Variants in BRIP1 observed in about 807,000 individuals in gnomAD.
BRIP1 encodes the protein Fanconi anemia group J protein.
BRIP1 carries 88 observed loss-of-function variants against 119.7 expected under a neutral mutation model. The ratio of observed to expected loss-of-function variants is 0.74; its 90% CI spans 0.62 to 0.88. BRIP1 has a LOEUF of 0.88. BRIP1 is among the 40% of genes least tolerant of loss of function. BRIP1 has a pLI of 0.00. For synonymous variants in BRIP1, 443 were observed against 496.5 expected, an observed-to-expected ratio of 0.89 and a Z score of 1.43; for missense variants, 1,259 against 1,455.4, an observed-to-expected ratio of 0.87 and a Z score of 2.20.
intron 16 of BRIP1, among the ~76,000 whole-genome samples, chr17:61,737,186 A>G (rs1429885159): frequency 6.6e-6 from 1 of 152,220 alleles, no homozygotes; most frequent in Non-Finnish European, 1.5e-5. Context: ...GACACAAGAA[A>G]ACAAATAGCT....
At chr17:61,737,546 C>G (rs185498856) in intron 16 of BRIP1, among the ~76,000 whole-genome samples, 14 of 152,268 alleles carry the variant, frequency 9.2e-5, no homozygotes, top group African/African-American at 3.1e-4. Flanking sequence ...ATAAACTGGA[C>G]TGCATTAGAA....
Position 61,861,579 on chromosome 17 carries a change from A to C in BRIP1, c.-30-10T>G, listed in dbSNP as rs1321232630. 6.9e-7 allele frequency: 1 copy of C among 1,441,386 alleles called. No individual in the cohort carries two copies. The highest frequency in any genetic ancestry group is 1.7e-5 in the Admixed American group (1 of 59,700). The allele number at this position is 1,441,386 out of a possible 1,614,324, so 89.3% of individuals were successfully genotyped here. A position where few individuals can be genotyped will look rare whatever the true frequency, so the allele number is the denominator to read the frequency against. ...TATTTCAGATTCCTAACTACAACAG[A>C]AATGAAAATGTCAAATATTGAGACA... On this transcript the variant is annotated splice_polypyrimidine_tract_variant and intron_variant, in intron 1 of 19. Coordinates refer to ENST00000259008, the MANE Select transcript of BRIP1 (RefSeq NM_032043.3). The surrounding 1 kb of genome is among the most constrained non-coding windows in gnomAD (Gnocchi z 4.5).
rs1470302654 is a variant in BRIP1, at chr17:61,824,236, G to A, written c.628-15479C>T. 6.6e-6 allele frequency among the ~76,000 whole-genome samples: 1 copy of A among 152,196 alleles called. No individual in the cohort carries two copies. Among genetic ancestry groups the A allele is most frequent in the Non-Finnish European group, 1.5e-5 (1 of 68,030 alleles). ...ATGTGAACCTAAACTTCAATACCCA[G>A]TGAAAATGTGTTTCAAAACAAAGCG... is the stretch of plus-strand genomic sequence containing the variant. On this transcript the variant is annotated intron_variant, in intron 6 of 19. Transcript: ENST00000259008. This position sits in a 1 kb window ranked among gnomAD's most constrained non-coding sequence, Gnocchi z 4.3.
chr17:61,791,812 C>A (rs1312973282), intron 10 of BRIP1, among the ~76,000 whole-genome samples: 1 of 151,952 alleles, frequency 6.6e-6, no homozygotes, highest in Non-Finnish European at 1.5e-5. Context: ...GAAAATGTGG[C>A]ACATATATAT....
In BRIP1 at chr17:61,764,820, A is replaced by C. The variant is rs557256719; in HGVS notation, c.2097+11581T>G. Among the ~76,000 whole-genome samples the C allele has an allele frequency of 2.6e-5, 4 of 152,192 alleles. No homozygotes were observed. The South Asian group carries it at 6.2e-4, about 24-fold the overall frequency. Reference sequence around the variant, plus strand: ...TTAGAACTAAGGGGGTGGGGGGAGCACAGGGAGTTAGGATGAATTCAGCTT... The same window carrying C: ...TTAGAACTAAGGGGGTGGGGGGAGCCCAGGGAGTTAGGATGAATTCAGCTT... On this transcript the variant is annotated intron_variant, in intron 14 of 19. Transcript: ENST00000259008.
chr17:61,818,950 C>A (rs1169595570), intron 6 of BRIP1, among the ~76,000 whole-genome samples: 1 of 151,918 alleles, frequency 6.6e-6, no homozygotes, highest in Admixed American at 6.6e-5. Flanking sequence ...CTTTGGGAGG[C>A]CGAGGGGGGC....
Position 61,808,998 on chromosome 17 carries a change from C to G in BRIP1, c.628-241G>C, listed in dbSNP as rs958035908. ...CCAAATTTGCATTCTTTCCAACATA[C>G]CACTCTAACTCTCCAATTCCAAATG... On this transcript the variant is annotated intron_variant, in intron 6 of 19. Transcript: ENST00000259008. The surrounding 1 kb of genome is among the most constrained non-coding windows in gnomAD (Gnocchi z 4.1). 6.6e-6 allele frequency among the ~76,000 whole-genome samples: 1 copy of G among 152,158 alleles called. No homozygotes were observed. The highest frequency in any genetic ancestry group is 1.5e-5 in the Non-Finnish European group (1 of 68,024).
Position 61,703,826 on chromosome 17 carries a change from G to A in BRIP1, c.2493-10314C>T, listed in dbSNP as rs961069046. On this transcript the variant is annotated intron_variant, in intron 17 of 19. Coordinates refer to ENST00000259008, the MANE Select transcript of BRIP1 (RefSeq NM_032043.3). The surrounding 1 kb of genome is among the most constrained non-coding windows in gnomAD (Gnocchi z 5.0). ...GGTTGTTGTATATAGTGTAAGGAAG[G>A]GGGTCCAGTTTCAATCTTCTGCTTA... 6.6e-6 allele frequency among the ~76,000 whole-genome samples: 1 copy of A among 152,046 alleles called. No homozygotes were observed. The highest frequency in any genetic ancestry group is 6.6e-5 in the Admixed American group (1 of 15,254).
At chr17:61,813,964 A>C (rs987995566) in intron 6 of BRIP1, among the ~76,000 whole-genome samples, 2 of 152,134 alleles carry the variant, frequency 1.3e-5, no homozygotes, top group African/African-American at 4.8e-5. Flanking sequence ...AATATTCCTA[A>C]GTATGATCTT....
chr17:61,776,609 TG>T lies in BRIP1; in HGVS notation c.1936-48del. 1.3e-6 allele frequency: 2 copies of T among 1,566,270 alleles called. No individual in the cohort carries two copies. The highest frequency in any genetic ancestry group is 1.8e-6 in the Non-Finnish European group (2 of 1,136,622). On this transcript the variant is annotated intron_variant, in intron 13 of 19. Transcript: ENST00000259008. The surrounding 1 kb of genome is among the most constrained non-coding windows in gnomAD (Gnocchi z 5.0). ...ATTAGAGTTATGCCTGAAAAAGGCA[TG>T]GAAATTAGTATTTATTTGGAAGTAT...
At chr17:61,731,306 C>T (rs1436606635) in intron 16 of BRIP1, among the ~76,000 whole-genome samples, 2 of 152,126 alleles carry the variant, frequency 1.3e-5, no homozygotes, top group African/African-American at 4.8e-5. Flanking sequence ...ATCCATTTCC[C>T]CTGGGTAACC....
Position 61,742,867 on chromosome 17 carries a change from T to G in BRIP1, c.2379+146A>C. On this transcript the variant is annotated intron_variant, in intron 16 of 19. Transcript: ENST00000259008. This position sits in a 1 kb window ranked among gnomAD's most constrained non-coding sequence, Gnocchi z 4.7. The stretch of plus-strand genomic sequence containing the variant: ...GTTGGAAAAATGGTGCTGAAAGACT[T>G]GCACAATGCAGGGTTACCATAAACC... 1.0e-6 allele frequency: 1 copy of G among 998,156 alleles called. No individual in the cohort carries two copies. The highest frequency in any genetic ancestry group is 1.5e-6 in the Non-Finnish European group (1 of 666,028). 61.8% of individuals were successfully genotyped at this position (998,156 alleles called of 1,614,324 possible).
At position 61,686,401 on chromosome 17, in the gene BRIP1, C is replaced by A. The variant is rs1351242712; in HGVS notation, c.2576-236G>T. On this transcript the variant is annotated intron_variant, in intron 18 of 19. Transcript: ENST00000259008. This position sits in a 1 kb window ranked among gnomAD's most constrained non-coding sequence, Gnocchi z 5.4. Reference sequence around the variant, plus strand: ...TTGTCAAATGGAGAGAGCAAAGAGGCAGTAGAAGTAGGGCAGAGATGGGAA... The same window carrying A: ...TTGTCAAATGGAGAGAGCAAAGAGGAAGTAGAAGTAGGGCAGAGATGGGAA... Among the ~76,000 whole-genome samples, 2 of 151,934 alleles carry A rather than the reference C, an allele frequency of 1.3e-5. No homozygotes were observed. The highest frequency in any genetic ancestry group is 2.9e-5 in the Non-Finnish European group (2 of 67,976).
At chr17:61,817,293 T>C (rs187477933) in intron 6 of BRIP1, among the ~76,000 whole-genome samples, 3 of 152,324 alleles carry the variant, frequency 2.0e-5, no homozygotes, top group African/African-American at 7.2e-5. Flanking sequence ...ATTTATGATA[T>C]GTACACTTGG....
In BRIP1 at chr17:61,803,735, A is replaced by G. The variant is rs1328585893; in HGVS notation, c.919-2261T>C. Among the ~76,000 whole-genome samples, 2 of 152,194 alleles carry G rather than the reference A, an allele frequency of 1.3e-5. No individual in the cohort carries two copies. Among genetic ancestry groups the G allele is most frequent in the Non-Finnish European group, 1.5e-5 (1 of 68,026 alleles). ...AATGTACAAAATTAGAAAAGTATAT[A>G]TATTTTTAGTAGAAGTATAAAATTC... On this transcript the variant is annotated intron_variant, in intron 7 of 19. Transcript: ENST00000259008. This position sits in a 1 kb window ranked among gnomAD's most constrained non-coding sequence, Gnocchi z 4.3.
chr17:61,776,536 G>C lies in BRIP1; in HGVS notation c.1962C>G (p.Gly654=), dbSNP rs786201877. ...SQVWVGTIGS[G]PKGRNLCATF... is the part of the protein sequence containing the mutation. ...TAGCACAGAGATTCCGACCCTTGGG[G>C]CCTGACCCAATGGTACCAACCCAAA... Residue 654 remains glycine (G), a synonymous_variant, in exon 14 of 20, where the codon GGC becomes GGG. Transcript: ENST00000259008. The surrounding 1 kb of genome is among the most constrained non-coding windows in gnomAD (Gnocchi z 5.0). 1 of 1,614,086 alleles carries C rather than the reference G, an allele frequency of 6.2e-7. No homozygotes were observed. The highest frequency in any genetic ancestry group is 8.5e-7 in the Non-Finnish European group (1 of 1,180,000).
At position 61,852,902 on chromosome 17, in the gene BRIP1, G is replaced by A. The variant is rs762596026; in HGVS notation, c.380-3646C>T. 7.9e-5 allele frequency among the ~76,000 whole-genome samples: 12 copies of A among 151,968 alleles called. No individual in the cohort carries two copies. Among genetic ancestry groups the A allele is most frequent in the Non-Finnish European group, 1.5e-4 (10 of 67,968 alleles). ...CTGCAGGGGTTGGAGGGATCTGACC[G>A]GGGACGCATAAATTGATTCAACCAC... On this transcript the variant is annotated intron_variant, in intron 4 of 19. Coordinates refer to ENST00000259008, the MANE Select transcript of BRIP1 (RefSeq NM_032043.3). The surrounding 1 kb of genome is among the most constrained non-coding windows in gnomAD (Gnocchi z 4.9).
Position 61,787,184 on chromosome 17 carries a change from ATAT to A in BRIP1, c.1474-2763_1474-2761del, listed in dbSNP as rs1416216613. ...TATACTATATAAAATATATAAAAAT[ATAT>A]TATATACTATATAAAATATATAAAA... is the stretch of plus-strand genomic sequence containing the variant. On this transcript the variant is annotated intron_variant, in intron 10 of 19. Transcript: ENST00000259008. Among the ~76,000 whole-genome samples the A allele has an allele frequency of 3.3e-5, 3 of 91,840 alleles. No individual in the cohort carries two copies. In the East Asian group the frequency reaches 9.8e-4, roughly 30 times the overall value. 60.3% of individuals were successfully genotyped at this position (91,840 alleles called of 152,430 possible). A position where few individuals can be genotyped will look rare whatever the true frequency, so the allele number is the denominator to read the frequency against.
At chr17:61,712,224 CT>C (rs905229235) in intron 17 of BRIP1, among the ~76,000 whole-genome samples, 2 of 151,702 alleles carry the variant, frequency 1.3e-5, no homozygotes, top group Non-Finnish European at 2.9e-5. Context: ...TAACCAATTT[CT>C]TTTTTTTAGA....
Sources: gnomAD v4.1 joint callset for allele counts (sites outside exome capture counted in the v4.1 genomes callset) on GRCh38, gnomAD v4.1.1 for gene constraint, Gnocchi (gnomAD v3.1) non-coding constraint, MANE v1.5 for transcripts, NCBI Gene and HGNC (gene_info 2026-07-23, HGNC 2026-07-21) for gene names.